Variants in HIPK3 observed in about 807,000 individuals in gnomAD.
HIPK3 encodes homeodomain interacting protein kinase 3.
Under a neutral mutation model 124.2 loss-of-function variants are expected in HIPK3, and 47 were observed. The ratio of observed to expected loss-of-function variants is 0.38; its 90% confidence interval spans 0.30 to 0.48. The LOEUF is 0.48. Among genes scored for constraint, HIPK3 ranks in the 20% least tolerant of loss-of-function variants. The probability of loss-of-function intolerance (pLI) is 0.98; values close to 1 mark genes in which losing one functional copy is unlikely to be tolerated. For missense variants in HIPK3, 1,286 were observed against 1,454.3 expected (o/e 0.88, Z 1.88); for synonymous variants, 482 against 515.2 (o/e 0.94, Z 0.87).
intron 3 of HIPK3, among the ~76,000 whole-genome samples, chr11:33,328,958 G>A (rs963356022): frequency 6.6e-6 from 1 of 152,116 alleles, no homozygotes; most frequent in Non-Finnish European, 1.5e-5. Context: ...TGTGTGAAAC[G>A]TCAGCCCCTC....
chr11:33,340,616 T>C (rs1853302751), intron 6 of HIPK3, among the ~76,000 whole-genome samples: 1 of 152,208 alleles, frequency 6.6e-6, no homozygotes, highest in African/African-American at 2.4e-5. Flanking sequence ...ACTTTGAAAG[T>C]AACATGATAG....
At chr11:33,337,011 G>A (rs1290565696) in intron 3 of HIPK3, 64 bp from the exon 4 acceptor site, 5 of 1,221,112 alleles carry the variant, frequency 4.1e-6, no homozygotes, top group East Asian at 4.8e-5. Context: ...ATAGCCTAGT[G>A]TCTGACTTAA....
At chr11:33,258,214 C>T (rs1850722243) in intron 1 of HIPK3, 15 of 738,036 alleles carry the variant, frequency 2.0e-5, no homozygotes, top group Non-Finnish European at 2.5e-5. Context: ...GGCCCCCCCT[C>T]CCCCTGCCAA....
chr11:33,258,411 C>G, intron 1 of HIPK3: 1 of 985,656 alleles, frequency 1.0e-6, no homozygotes, highest in South Asian at 4.7e-5. Context: ...CTTTGTGGCC[C>G]CGTCCCCAGC....
chr11:33,317,474 C>T (rs542647102), intron 2 of HIPK3, among the ~76,000 whole-genome samples: 9 of 152,104 alleles, frequency 5.9e-5, no homozygotes, highest in South Asian at 4.2e-4. Flanking sequence ...CATATATTAT[C>T]TGAGGTGGTC....
At chr11:33,290,086 C>A (rs1590363051) in intron 2 of HIPK3, among the ~76,000 whole-genome samples, 1 of 152,080 alleles carries the variant, frequency 6.6e-6, no homozygotes, top group Admixed American at 6.6e-5. Context: ...CCAAATCTTG[C>A]CTATTGTGAA....
At chr11:33,349,861 A>G (rs3847593) in intron 14 of HIPK3, among the ~76,000 whole-genome samples, 52,143 of 151,950 alleles carry the variant, frequency 0.34, 9,648 homozygotes, top group Middle Eastern at 0.48. Context: ...CCGCCTCCCC[A>G]GGTTCAAGTG....
In HIPK3 at chr11:33,353,864, C is replaced by G. The variant is rs1465245337; in HGVS notation, c.*296C>G. On this transcript the variant is annotated 3_prime_UTR_variant, in exon 17 of 17. Coordinates refer to ENST00000303296, the MANE Select transcript of HIPK3 (RefSeq NM_005734.5). The stretch of plus-strand genomic sequence containing the variant: ...AAATTGCCTTCTAACTAGTGCAAGA[C>G]ACGTCTACATTTGGGAAGCCATTCT... The G allele has an allele frequency of 2.9e-6, 1 of 347,378 alleles. No individual in the cohort carries two copies. The highest frequency in any genetic ancestry group is 5.4e-6 in the Non-Finnish European group (1 of 184,186). 21.5% of individuals were successfully genotyped at this position (347,378 alleles called of 1,614,324 possible).
rs371957082 is a variant in HIPK3, at chr11:33,339,477, C to T, written c.1556C>T (p.Thr519Ile). The change falls in exon 6 of 17, where the codon ACC becomes ATC. Residue 519 changes from threonine to isoleucine, a missense_variant. Thr to Ile is a moderately conservative substitution (Grantham distance 89). Transcript: ENST00000303296. ...GATTTAAGAATTACTCCAGCTGAGACCCTGAACCATCCTTTTGTTAATATG... is the reference window on the plus strand; with the variant it reads ...GATTTAAGAATTACTCCAGCTGAGATCCTGAACCATCCTTTTGTTAATATG... ...DADLRITPAE[T>I]LNHPFVNMKH... 28 of 1,611,884 alleles carry T rather than the reference C, an allele frequency of 1.7e-5. No homozygotes were observed. The highest frequency in any genetic ancestry group is 2.4e-5 in the Non-Finnish European group (28 of 1,178,518).
At chr11:33,336,341 G>C (rs1018695755) in intron 3 of HIPK3, among the ~76,000 whole-genome samples, 2 of 152,172 alleles carry the variant, frequency 1.3e-5, no homozygotes, top group Non-Finnish European at 1.5e-5. Context: ...TTCCCCAAGA[G>C]ACACAGCTGT....
intron 1 of HIPK3, among the ~76,000 whole-genome samples, chr11:33,265,376 T>G (rs952646160): frequency 6.6e-6 from 1 of 152,216 alleles, no homozygotes; most frequent in Non-Finnish European, 1.5e-5. Context: ...TAATCATTGT[T>G]TAATGTGCTT....
intron 2 of HIPK3, among the ~76,000 whole-genome samples, chr11:33,309,996 G>C (rs1449073498): frequency 6.6e-6 from 1 of 151,996 alleles, no homozygotes; most frequent in Admixed American, 6.6e-5. Context: ...CCATTTTCTT[G>C]CACATTTCTA....
At chr11:33,340,206 C>T (rs531678562) in intron 6 of HIPK3, among the ~76,000 whole-genome samples, 1 of 152,296 alleles carries the variant, frequency 6.6e-6, no homozygotes, top group South Asian at 2.1e-4. Flanking sequence ...ACCTCAGCCT[C>T]CTGAGTAGCT....
At chr11:33,306,803 GTAA>G in intron 2 of HIPK3, among the ~76,000 whole-genome samples, 1 of 152,210 alleles carries the variant, frequency 6.6e-6, no homozygotes. Flanking sequence ...TTATACAGTA[GTAA>G]TGATATGATG....
chr11:33,289,220 G>C (rs746805220), intron 2 of HIPK3, among the ~76,000 whole-genome samples: 1 of 152,040 alleles, frequency 6.6e-6, no homozygotes, highest in African/African-American at 2.4e-5. Context: ...TGGGAGGATC[G>C]CTTTAGGCCA....
At chr11:33,277,845 G>T (rs1451283848) in intron 1 of HIPK3, among the ~76,000 whole-genome samples, 2 of 152,114 alleles carry the variant, frequency 1.3e-5, no homozygotes, top group Non-Finnish European at 2.9e-5. Context: ...CAGTTTGGTG[G>T]CTATAAAATG....
chr11:33,258,064 C>T (rs940753946), intron 1 of HIPK3, among the ~76,000 whole-genome samples, 175 bp downstream of exon 1: 6 of 151,950 alleles, frequency 3.9e-5, no homozygotes, highest in African/African-American at 1.4e-4. Context: ...CTCTCGTGCT[C>T]CCAGTTTCCG....
chr11:33,261,168 A>G (rs956360105), intron 1 of HIPK3, among the ~76,000 whole-genome samples: 6 of 147,168 alleles, frequency 4.1e-5, no homozygotes, highest in African/African-American at 1.2e-4. Context: ...TATATATAAT[A>G]CATTATATAA....
At chr11:33,271,298 G>A (rs1427894933) in intron 1 of HIPK3, among the ~76,000 whole-genome samples, 1 of 152,130 alleles carries the variant, frequency 6.6e-6, no homozygotes, top group African/African-American at 2.4e-5. Flanking sequence ...TGGTGGCTGG[G>A]TGTGGTGACT....
Sources: gnomAD v4.1 joint callset for allele counts (sites outside exome capture counted in the v4.1 genomes callset) on GRCh38, gnomAD v4.1.1 for gene constraint, MANE v1.5 for transcripts, NCBI Gene and HGNC (gene_info 2026-07-23, HGNC 2026-07-21) for gene names.